Variants in UST observed in about 807,000 individuals in gnomAD.
UST encodes chondroitin sulfate 2-O-sulfotransferase.
Under a neutral mutation model 45.6 loss-of-function variants are expected in UST, and 21 were observed. The observed-to-expected ratio is 0.46, with a 90% CI of 0.33 to 0.66. The LOEUF is 0.66. Ranked by LOEUF, UST falls within the 30% of genes least tolerant of loss-of-function variation. The pLI, the probability that UST is intolerant of heterozygous loss-of-function variation, is 0.02. For synonymous variants in UST, 215 were observed against 200.6 expected (o/e 1.07, Z -0.61); for missense variants, 463 against 512.4 (o/e 0.90, Z 0.93).
intron 5 of UST, among the ~76,000 whole-genome samples, chr6:149,004,690 A>G (rs1188726217): frequency 6.6e-6 from 1 of 152,240 alleles, no homozygotes; most frequent in Non-Finnish European, 1.5e-5. Context: ...GCAAGCTTGT[A>G]AGACAGAGGC....
chr6:148,916,993 C>T (rs1345366539), intron 2 of UST, among the ~76,000 whole-genome samples: 1 of 152,238 alleles, frequency 6.6e-6, no homozygotes, highest in Non-Finnish European at 1.5e-5. Context: ...CTCCCATGTG[C>T]TCCTCTGGTC....
At chr6:148,956,361 T>A (rs1375776338) in intron 4 of UST, among the ~76,000 whole-genome samples, 1 of 131,696 alleles carries the variant, frequency 7.6e-6, no homozygotes, top group East Asian at 2.3e-4. Context: ...CGAAAGGCAC[T>A]TCTTACATGG....
At chr6:148,796,493 A>G (rs2114710226) in intron 1 of UST, among the ~76,000 whole-genome samples, 1 of 152,096 alleles carries the variant, frequency 6.6e-6, no homozygotes, top group Admixed American at 6.5e-5. Context: ...ACGTGGTGGC[A>G]CGGGCCTGTA....
At chr6:148,865,695 TG>T (rs1778414952) in intron 1 of UST, among the ~76,000 whole-genome samples, 3 of 149,652 alleles carry the variant, frequency 2.0e-5, no homozygotes, top group Non-Finnish European at 4.4e-5. Flanking sequence ...TGTGTGTGTG[TG>T]TGTGTGTGTG....
intron 7 of UST, 120 bp from the exon 8 acceptor site, chr6:149,073,713 T>A (rs745607272): frequency 1.2e-4 from 137 of 1,145,516 alleles, no homozygotes; most frequent in Non-Finnish European, 1.6e-4. Context: ...TTCTAATACT[T>A]GGATATGCAG....
chr6:148,944,506 C>G (rs908787828), intron 3 of UST, among the ~76,000 whole-genome samples: 2 of 96,706 alleles, frequency 2.1e-5, no homozygotes, highest in Non-Finnish European at 4.2e-5. Flanking sequence ...TAGTTGTGAT[C>G]ATACACACAC....
chr6:148,910,401 A>C (rs1394496132), intron 2 of UST, among the ~76,000 whole-genome samples: 1 of 152,010 alleles, frequency 6.6e-6, no homozygotes, highest in Non-Finnish European at 1.5e-5. Flanking sequence ...GAACCTCCCA[A>C]AGTGCTGGCA....
At chr6:148,973,145 T>C (rs147541059) in intron 5 of UST, among the ~76,000 whole-genome samples, 187 of 152,364 alleles carry the variant, frequency 1.2e-3, no homozygotes, top group African/African-American at 4.2e-3. Flanking sequence ...TTAAAGAGGT[T>C]TGATGATATA....
At position 148,941,283 on chromosome 6, in the gene UST, T is replaced by C; in HGVS notation, c.296T>C (p.Leu99Pro). The C allele has an allele frequency of 3.1e-6, 5 of 1,613,174 alleles. No homozygotes were observed. The highest frequency in any genetic ancestry group is 4.2e-6 in the Non-Finnish European group (5 of 1,179,736). The change falls in exon 3 of 8, where the codon CTA becomes CCA. Residue 99 changes from leucine to proline, a missense_variant. Leu to Pro is a moderately conservative substitution (Grantham distance 98). Transcript: ENST00000367463. ...DDHGPPPSKVLPFPSQVVYNR... is the reference protein window; with the variant it reads ...DDHGPPPSKVPPFPSQVVYNR... ...TTCTCTTGGTTTTTTTCCCAGGTAC[T>C]ACCTTTCCCAAGCCAGGTGGTGTAC...
intron 7 of UST, among the ~76,000 whole-genome samples, chr6:149,032,308 T>TGGGAGG (rs1644147576): frequency 6.6e-6 from 1 of 151,988 alleles, no homozygotes; most frequent in Non-Finnish European, 1.5e-5. Context: ...GCCCCCATCC[T>TGGGAGG]CCTCCAGCCT....
chr6:149,020,512 G>T (rs1775962514), intron 6 of UST, among the ~76,000 whole-genome samples: 1 of 152,150 alleles, frequency 6.6e-6, no homozygotes, highest in African/African-American at 2.4e-5. Context: ...TTGGAGAGGT[G>T]ACTCATGACA....
chr6:148,922,725 G>A (rs926442658), intron 2 of UST, among the ~76,000 whole-genome samples: 10 of 151,176 alleles, frequency 6.6e-5, no homozygotes, highest in East Asian at 1.9e-4. Context: ...CGCCCGCCTC[G>A]GCCTCCCAAA....
intron 2 of UST, among the ~76,000 whole-genome samples, chr6:148,896,442 G>C (rs1159495017): frequency 1.3e-5 from 2 of 152,182 alleles, no homozygotes; most frequent in African/African-American, 2.4e-5. Context: ...AGCCATTGCT[G>C]CTGCTAAGAG....
intron 2 of UST, among the ~76,000 whole-genome samples, chr6:148,931,368 T>C (rs1464506591): frequency 6.6e-6 from 1 of 152,200 alleles, no homozygotes; most frequent in Non-Finnish European, 1.5e-5. Context: ...CTATGCATGT[T>C]TTATTTGGAG....
intron 5 of UST, among the ~76,000 whole-genome samples, chr6:149,017,834 A>T (rs1475223803): frequency 6.8e-6 from 1 of 146,786 alleles, no homozygotes; most frequent in African/African-American, 2.5e-5. Flanking sequence ...ACACACACAC[A>T]CACATCTGTC....
intron 4 of UST, among the ~76,000 whole-genome samples, chr6:148,957,112 G>A (rs1780530336): frequency 6.6e-6 from 1 of 152,190 alleles, no homozygotes. Flanking sequence ...GCAGTCAAGA[G>A]TTTTAAGCAG....
At chr6:148,766,389 C>T (rs142433268) in intron 1 of UST, among the ~76,000 whole-genome samples, 1 of 151,712 alleles carries the variant, frequency 6.6e-6, no homozygotes, top group Non-Finnish European at 1.5e-5. Context: ...CTCTCACCCA[C>T]GCACCCACTT....
At chr6:149,035,898 T>C (rs1365237336) in intron 7 of UST, among the ~76,000 whole-genome samples, 2 of 152,234 alleles carry the variant, frequency 1.3e-5, no homozygotes, top group Admixed American at 6.5e-5. Context: ...TTAGTGATTG[T>C]AGTTTTTTTC....
At chr6:149,005,410 C>A (rs1781626985) in intron 5 of UST, 1 of 985,320 alleles carries the variant, frequency 1.0e-6, no homozygotes, top group Admixed American at 6.1e-5. Flanking sequence ...AAGGTGACCT[C>A]TGGGAGCCTT....
Sources: gnomAD v4.1 joint callset for allele counts (sites outside exome capture counted in the v4.1 genomes callset) on GRCh38, gnomAD v4.1.1 for gene constraint, MANE v1.5 for transcripts, NCBI Gene and HGNC (gene_info 2026-07-23, HGNC 2026-07-21) for gene names.